The following KCNIP4 variants were observed in gnomAD, a reference collection of about 807,000 sequenced individuals.
The protein encoded by KCNIP4 is potassium voltage-gated channel interacting protein 4, also known as Kv channel-interacting protein 4.
A neutral mutation model predicts 34.0 loss-of-function variants in KCNIP4; 12 were observed. The ratio of observed to expected loss-of-function variants is 0.35; its 90% CI spans 0.23 to 0.57. The LOEUF is 0.57. Ranked by LOEUF, KCNIP4 falls within the 20% of genes least tolerant of loss-of-function variation. The pLI, the probability that KCNIP4 is intolerant of heterozygous loss-of-function variation, is 0.83. For synonymous variants in KCNIP4, 124 were observed against 102.2 expected (o/e 1.21, Z -1.29); for missense variants, 238 against 311.7 (o/e 0.76, Z 1.78).
chr4:21,556,933 A>AAC (rs1739106064), intron 1 of KCNIP4, among the ~76,000 whole-genome samples: 1 of 149,760 alleles, frequency 6.7e-6, no homozygotes, highest in African/African-American at 2.5e-5. Flanking sequence ...AAAAAAAAAA[A>AAC]AAAAAAAAAA....
chr4:21,089,453 C>T (rs1313149353), intron 1 of KCNIP4, among the ~76,000 whole-genome samples: 1 of 152,162 alleles, frequency 6.6e-6, no homozygotes, highest in Non-Finnish European at 1.5e-5. Flanking sequence ...TATCCAGTCT[C>T]AGGTTGTTCT....
intron 1 of KCNIP4, among the ~76,000 whole-genome samples, chr4:21,417,392 T>TAAAATAA (rs531569688): frequency 6.6e-6 from 1 of 151,686 alleles, no homozygotes; most frequent in Non-Finnish European, 1.5e-5. Flanking sequence ...TTAAAAAAAA[T>TAAAATAA]AAAATAAAAA....
intron 1 of KCNIP4, among the ~76,000 whole-genome samples, chr4:21,309,785 T>A (rs1306846880): frequency 1.3e-5 from 2 of 152,130 alleles, no homozygotes; most frequent in African/African-American, 4.8e-5. Context: ...TTAGATGCCA[T>A]TGAAAACACC....
chr4:20,769,799 C>A (rs75201447), intron 3 of KCNIP4, among the ~76,000 whole-genome samples: 14,410 of 152,138 alleles, frequency 0.095, 983 homozygotes, highest in African/African-American at 0.2. Context: ...GTCCCTGTAA[C>A]CTTTTGGCTG....
chr4:21,013,584 G>A (rs1739253577), intron 1 of KCNIP4, among the ~76,000 whole-genome samples: 1 of 152,120 alleles, frequency 6.6e-6, no homozygotes, highest in Non-Finnish European at 1.5e-5. Context: ...CCTTGACACT[G>A]GAAGGCATTT....
At chr4:21,527,248 G>A (rs998473793) in intron 1 of KCNIP4, among the ~76,000 whole-genome samples, 1 of 152,116 alleles carries the variant, frequency 6.6e-6, no homozygotes, top group African/African-American at 2.4e-5. Context: ...AAACTGAATA[G>A]GACCTCCTAA....
rs556900862 is a variant in KCNIP4 at position 21,928,573 on chromosome 4, T to C, written c.61+19998A>G. On this transcript the variant is annotated intron_variant, in intron 1 of 8. Coordinates refer to ENST00000382152, the MANE Select transcript of KCNIP4 (RefSeq NM_025221.6). ...AGAGTTTGTGGTAAACAAACTAATA[T>C]TTTAGAAGCTAGTTGGTGTTTTCTA... 2.6e-5 allele frequency among the ~76,000 whole-genome samples: 4 copies of C among 152,226 alleles called. No individual in the cohort carries two copies. The South Asian group carries it at 8.3e-4, about 32-fold the overall frequency.
chr4:21,134,834 A>G (rs1010862389), intron 1 of KCNIP4, among the ~76,000 whole-genome samples: 4 of 152,222 alleles, frequency 2.6e-5, no homozygotes, highest in African/African-American at 9.6e-5. Flanking sequence ...TTGTGAGTCA[A>G]CACAGAGCTC....
At chr4:20,874,665 G>T (rs950517699) in intron 2 of KCNIP4, among the ~76,000 whole-genome samples, 15 of 150,778 alleles carry the variant, frequency 9.9e-5, no homozygotes, top group Admixed American at 2.0e-4. Context: ...ATGTGACTTT[G>T]GGCAAGCCAC....
intron 1 of KCNIP4, among the ~76,000 whole-genome samples, chr4:21,769,969 A>T (rs573627627): frequency 4.6e-5 from 7 of 152,006 alleles, no homozygotes; most frequent in Non-Finnish European, 1.0e-4. Flanking sequence ...CTGCCAATCA[A>T]TTCATACCAG....
At chr4:21,546,654 A>G (rs981243679) in intron 1 of KCNIP4, among the ~76,000 whole-genome samples, 16 of 152,140 alleles carry the variant, frequency 1.1e-4, no homozygotes, top group African/African-American at 3.9e-4. Context: ...TGAATGTTTG[A>G]GCCATTCTTA....
chr4:21,472,999 A>G (rs372756283), intron 1 of KCNIP4, among the ~76,000 whole-genome samples: 8 of 152,350 alleles, frequency 5.3e-5, no homozygotes, highest in East Asian at 3.9e-4. Flanking sequence ...AGGTTTGGTC[A>G]TGTGATTTAA....
chr4:21,221,097 C>CT (rs1757950783), intron 1 of KCNIP4, among the ~76,000 whole-genome samples: 1 of 152,170 alleles, frequency 6.6e-6, no homozygotes, highest in Admixed American at 6.6e-5. Flanking sequence ...ACACCTGCTC[C>CT]TTAGGCCTCC....
At chr4:21,342,972 T>G (rs1716909676) in intron 1 of KCNIP4, among the ~76,000 whole-genome samples, 1 of 151,256 alleles carries the variant, frequency 6.6e-6, no homozygotes, top group Non-Finnish European at 1.5e-5. Flanking sequence ...AAACTGTTCA[T>G]TTTTTTTTCT....
At chr4:21,372,277 C>A (rs1403351571) in intron 1 of KCNIP4, among the ~76,000 whole-genome samples, 1 of 146,532 alleles carries the variant, frequency 6.8e-6, no homozygotes, top group Admixed American at 6.6e-5. Context: ...CTGAAAATTC[C>A]ATTTTTTAAA....
chr4:21,119,340 G>T (rs962126843), intron 1 of KCNIP4, among the ~76,000 whole-genome samples: 4 of 151,410 alleles, frequency 2.6e-5, no homozygotes, highest in African/African-American at 9.7e-5. Flanking sequence ...TCAGTGCAGT[G>T]GCTATACCCC....
chr4:21,550,232 A>C (rs965738999), intron 1 of KCNIP4, among the ~76,000 whole-genome samples: 5 of 152,020 alleles, frequency 3.3e-5, no homozygotes, highest in African/African-American at 1.2e-4. Context: ...ATGCCCATAA[A>C]CTCTTCCTCC....
chr4:21,575,513 C>A (rs1374890302), intron 1 of KCNIP4, among the ~76,000 whole-genome samples: 1 of 152,002 alleles, frequency 6.6e-6, no homozygotes, highest in East Asian at 1.9e-4. Flanking sequence ...TTTTCCTTCC[C>A]CTCCCCTTCT....
intron 1 of KCNIP4, among the ~76,000 whole-genome samples, chr4:21,365,848 T>C (rs1280464597): frequency 6.6e-6 from 1 of 152,242 alleles, no homozygotes; most frequent in Admixed American, 6.5e-5. Context: ...CTCATATCTG[T>C]CTACCAAACT....
Sources: gnomAD v4.1 joint callset for allele counts (sites outside exome capture counted in the v4.1 genomes callset) on GRCh38, gnomAD v4.1.1 for gene constraint, MANE v1.5 for transcripts, NCBI Gene and HGNC (gene_info 2026-07-23, HGNC 2026-07-21) for gene names.